BTRC: variants seen among roughly 807,000 people sequenced by gnomAD.
BTRC encodes beta-transducin repeat containing E3 ubiquitin protein ligase.
A neutral mutation model predicts 85.5 loss-of-function variants in BTRC; 42 were observed. The ratio of observed to expected loss-of-function variants is 0.49; its 90% CI spans 0.38 to 0.64. The LOEUF is 0.64. BTRC is among the 30% of genes least tolerant of loss of function. The pLI, the probability that BTRC is intolerant of heterozygous loss-of-function variation, is 0.00. For missense variants in BTRC, 594 were observed against 743.5 expected (o/e 0.80, Z 2.34); for synonymous variants, 255 against 263.3 (o/e 0.97, Z 0.30).
chr10:101,507,443 C>T (rs889997952), intron 4 of BTRC, among the ~76,000 whole-genome samples: 3 of 152,162 alleles, frequency 2.0e-5, no homozygotes, highest in Admixed American at 6.5e-5. Flanking sequence ...TGTGCCGCTC[C>T]GATCCGGGGA....
Position 101,535,486 on chromosome 10 carries a change from G to A in BTRC, c.1466+14G>A, listed in dbSNP as rs750954027. 1 of 1,557,160 alleles carries A rather than the reference G, an allele frequency of 6.4e-7. No individual in the cohort carries two copies. Among genetic ancestry groups the A allele is most frequent in the South Asian group, 1.1e-5 (1 of 89,154 alleles). On this transcript the variant is annotated intron_variant, in intron 11 of 14. Coordinates refer to ENST00000370187, the MANE Select transcript of BTRC (RefSeq NM_033637.4). ...CAACACTATCAGGTGAGCAGCAAGTGCCTTGTATCATAAGGGATCAATATT... is the reference window on the plus strand; with the variant it reads ...CAACACTATCAGGTGAGCAGCAAGTACCTTGTATCATAAGGGATCAATATT...
chr10:101,465,461 A>G (rs1945348522), intron 3 of BTRC, among the ~76,000 whole-genome samples: 1 of 152,244 alleles, frequency 6.6e-6, no homozygotes. Context: ...AAATTCCTTG[A>G]AAAATACAAC....
At chr10:101,375,554 G>A (rs539945966) in intron 1 of BTRC, among the ~76,000 whole-genome samples, 1 of 152,322 alleles carries the variant, frequency 6.6e-6, no homozygotes, top group South Asian at 2.1e-4. Context: ...GGAGTCTGGG[G>A]CAGATATTCT....
intron 1 of BTRC, among the ~76,000 whole-genome samples, chr10:101,423,636 A>G: frequency 6.6e-6 from 1 of 152,234 alleles, no homozygotes; most frequent in East Asian, 1.9e-4. Context: ...TTTAGGCACT[A>G]TAACTTCACT....
intron 4 of BTRC, among the ~76,000 whole-genome samples, chr10:101,494,969 A>G (rs1458107329): frequency 1.3e-5 from 2 of 152,222 alleles, no homozygotes; most frequent in Non-Finnish European, 2.9e-5. Context: ...TAGGAAGAGA[A>G]CACAGGCTTT....
intron 1 of BTRC, among the ~76,000 whole-genome samples, chr10:101,411,914 T>C (rs1943790570): frequency 6.6e-6 from 1 of 152,228 alleles, no homozygotes; most frequent in Non-Finnish European, 1.5e-5. Context: ...AACTTGATGC[T>C]CTTGTGGCTG....
At chr10:101,359,156 T>C (rs1448588215) in intron 1 of BTRC, among the ~76,000 whole-genome samples, 1 of 152,178 alleles carries the variant, frequency 6.6e-6, no homozygotes, top group Admixed American at 6.5e-5. Context: ...TAAACTTGCT[T>C]ACTTACTTCA....
At chr10:101,518,134 G>A (rs1005277891) in intron 4 of BTRC, among the ~76,000 whole-genome samples, 2 of 151,792 alleles carry the variant, frequency 1.3e-5, no homozygotes, top group African/African-American at 2.4e-5. Context: ...GGATGGTCTC[G>A]ATCTCCTGAC....
At chr10:101,384,976 A>G (rs1006157659) in intron 1 of BTRC, among the ~76,000 whole-genome samples, 1 of 152,074 alleles carries the variant, frequency 6.6e-6, no homozygotes, top group Non-Finnish European at 1.5e-5. Flanking sequence ...TAATCCCAGC[A>G]CTTTGGGAGG....
At chr10:101,535,250 T>C in intron 10 of BTRC, 104 bp from the exon 11 acceptor site, 2 of 872,262 alleles carry the variant, frequency 2.3e-6, no homozygotes, top group Non-Finnish European at 3.7e-6. Context: ...AAGACTTCCC[T>C]CTAATGGTTC....
chr10:101,445,680 A>G (rs1035575617), intron 2 of BTRC, among the ~76,000 whole-genome samples: 1 of 152,202 alleles, frequency 6.6e-6, no homozygotes, highest in African/African-American at 2.4e-5. Flanking sequence ...CCCATGTGGC[A>G]GAGGAGTTGT....
intron 3 of BTRC, among the ~76,000 whole-genome samples, chr10:101,471,400 A>G (rs1437152555): frequency 2.0e-5 from 3 of 151,722 alleles, no homozygotes; most frequent in Non-Finnish European, 4.4e-5. Flanking sequence ...AAAAATAGAC[A>G]GACAGATAGA....
chr10:101,464,601 A>G (rs1403647984), intron 3 of BTRC, among the ~76,000 whole-genome samples: 2 of 126,172 alleles, frequency 1.6e-5, no homozygotes, highest in Non-Finnish European at 3.1e-5. Context: ...GTTGAGATCC[A>G]AGCTCTGGAG....
intron 1 of BTRC, among the ~76,000 whole-genome samples, chr10:101,394,947 A>G (rs968495686): frequency 1.3e-5 from 2 of 152,226 alleles, no homozygotes; most frequent in East Asian, 1.9e-4. Context: ...ATGCTAGGAC[A>G]TGCATGCACA....
rs531279745 is a variant in BTRC, at chr10:101,477,170, T to C, written c.235-2198T>C. On this transcript the variant is annotated intron_variant, in intron 3 of 14. Coordinates refer to ENST00000370187, the MANE Select transcript of BTRC (RefSeq NM_033637.4). Reference sequence around the variant, plus strand: ...TTTTTTTATTTTTTTATTTTCTTTTTTTGTATTTTTAGTAGAGACGGGGTT... The same window carrying C: ...TTTTTTTATTTTTTTATTTTCTTTTCTTGTATTTTTAGTAGAGACGGGGTT... Among the ~76,000 whole-genome samples the C allele has an allele frequency of 9.2e-5, 14 of 152,194 alleles. No individual in the cohort carries two copies. The East Asian group carries it at 1.7e-3, about 19-fold the overall frequency.
intron 4 of BTRC, among the ~76,000 whole-genome samples, chr10:101,489,932 A>G (rs1326958927): frequency 6.6e-6 from 1 of 152,224 alleles, no homozygotes; most frequent in Non-Finnish European, 1.5e-5. Flanking sequence ...AGCTAAAGTT[A>G]ACAAGTCACC....
chr10:101,439,826 T>G (rs1011951695), intron 2 of BTRC, among the ~76,000 whole-genome samples: 1 of 152,234 alleles, frequency 6.6e-6, no homozygotes, highest in African/African-American at 2.4e-5. Flanking sequence ...TAGGTCCCAT[T>G]TCTGTTTTTG....
intron 4 of BTRC, among the ~76,000 whole-genome samples, chr10:101,480,534 T>G (rs1945806517): frequency 6.6e-6 from 1 of 152,232 alleles, no homozygotes; most frequent in South Asian, 2.1e-4. Context: ...TAGAAGAGAC[T>G]AGCTAGATAT....
At chr10:101,480,421 AG>A (rs1221370483) in intron 4 of BTRC, among the ~76,000 whole-genome samples, 2 of 152,208 alleles carry the variant, frequency 1.3e-5, no homozygotes, top group African/African-American at 4.8e-5. Context: ...TTTTTCTTAT[AG>A]GGGCTGAGAA....
Sources: gnomAD v4.1 joint callset for allele counts (sites outside exome capture counted in the v4.1 genomes callset) on GRCh38, gnomAD v4.1.1 for gene constraint, MANE v1.5 for transcripts, NCBI Gene and HGNC (gene_info 2026-07-23, HGNC 2026-07-21) for gene names.